Variants in AHNAK observed in about 807,000 individuals in gnomAD.
The protein encoded by AHNAK is neuroblast differentiation-associated protein AHNAK.
In AHNAK, 23 loss-of-function variants were observed where a neutral mutation model predicts 37.8. The ratio of observed to expected loss-of-function variants is 0.61; its 90% confidence interval spans 0.44 to 0.86. The LOEUF (loss-of-function observed/expected upper bound fraction) is 0.86. Among genes scored for constraint, AHNAK ranks in the 40% least tolerant of loss-of-function variants. The pLI is 0.00. For missense variants in AHNAK, 7,411 were observed against 7,319.4 expected, an observed-to-expected ratio of 1.01 and a Z score of -0.46; for synonymous variants, 2,481 against 2,636.3, an observed-to-expected ratio of 0.94 and a Z score of 1.80.
intron 5 of AHNAK, among the ~76,000 whole-genome samples, chr11:62,453,845 G>T (rs529942864): frequency 1.2e-4 from 18 of 152,336 alleles, no homozygotes; most frequent in African/African-American, 3.6e-4. Context: ...CATCTGGCCG[G>T]GCGCGGTGGC....
chr11:62,496,426 T>G (rs147954468), intron 4 of AHNAK, among the ~76,000 whole-genome samples: 1 of 152,276 alleles, frequency 6.6e-6, no homozygotes, highest in Non-Finnish European at 1.5e-5. Flanking sequence ...GAAAATCTTG[T>G]TAGTAACAAA....
At chr11:62,509,960 G>A (rs1939879253) in intron 4 of AHNAK, among the ~76,000 whole-genome samples, 2 of 152,054 alleles carry the variant, frequency 1.3e-5, no homozygotes, top group Non-Finnish European at 1.5e-5. Flanking sequence ...CAGTTACTGG[G>A]GCAACTGGTG....
chr11:62,523,320 A>T lies in AHNAK; in HGVS notation c.11097T>A (p.Asp3699Glu). Residue 3699 changes from aspartate (D) to glutamate (E), a missense_variant, in exon 5 of 5, where the codon GAT becomes GAA. By Grantham distance (45) the Asp-to-Glu change is conservative. Transcript: ENST00000378024. ...VVVSLPKVEG[D>E]LKGPEVDIKG... ...TGATGTCCACCTCAGGGCCTTTTAG[A>T]TCACCTTCCACTTTGGGCAAAGACA... 6.2e-7 allele frequency: 1 copy of T among 1,612,934 alleles called. No individual in the cohort carries two copies. Among genetic ancestry groups the T allele is most frequent in the Non-Finnish European group, 8.5e-7 (1 of 1,179,660 alleles).
rs374279243 is a variant in AHNAK at position 62,522,450 on chromosome 11, G to A, written c.11967C>T (p.Phe3989=). ...GPDAKLKGPK[F]KMPEMNIKAP... ...CTTTGATGTTCATCTCTGGCATCTT[G>A]AATTTAGGGCCCTTCAGTTTCGCAT... Residue 3989 remains phenylalanine (F), a synonymous_variant, in exon 5 of 5, where the codon TTC becomes TTT. Transcript: ENST00000378024. The A allele has an allele frequency of 1.6e-5, 25 of 1,612,838 alleles. No individual in the cohort carries two copies. In the African/African-American group the frequency reaches 2.5e-4, roughly 16 times the overall value.
rs759985627 is a variant in AHNAK, at chr11:62,519,216, C to T, written c.15201G>A (p.Pro5067=). The change falls in exon 5 of 5, where the codon CCG becomes CCA. Residue 5067 remains proline, a synonymous_variant. Transcript: ENST00000378024. ...APDVDVNIAG[P]DAALKVDVKS... ...TCACGTCGACTTTGAGTGCAGCATCCGGCCCTGCGATGTTGACATCTACAT... is the reference window on the plus strand; with the variant it reads ...TCACGTCGACTTTGAGTGCAGCATCTGGCCCTGCGATGTTGACATCTACAT... 25 of 1,613,356 alleles carry T rather than the reference C, an allele frequency of 1.5e-5. No individual in the cohort carries two copies. The highest frequency in any genetic ancestry group is 8.9e-5 in the East Asian group (4 of 44,900).
At chr11:62,444,278 GT>G (rs1176799995) in intron 5 of AHNAK, among the ~76,000 whole-genome samples, 1 of 152,208 alleles carries the variant, frequency 6.6e-6, no homozygotes, top group Non-Finnish European at 1.5e-5. Flanking sequence ...AAAACCCACT[GT>G]CGGAGGAGCT....
At position 62,523,590 on chromosome 11, in the gene AHNAK, CTTGGGCATTTTCACT is replaced by C. The variant is rs1940355291; in HGVS notation, c.10812_10826del (p.Val3605_Lys3609del). The C allele has an allele frequency of 6.2e-7, 1 of 1,614,004 alleles. No individual in the cohort carries two copies. The highest frequency in any genetic ancestry group is 8.5e-7 in the Non-Finnish European group (1 of 1,180,036). ...CTCCTTTGAAGCCAGGCATGCTGAA[CTTGGGCATTTTCACT>C]TTGGGCATCTTCAGATGCCAGTCTG... On this transcript the variant is annotated inframe_deletion, in exon 5 of 5. Coordinates refer to ENST00000378024, the MANE Select transcript of AHNAK (RefSeq NM_001620.3).
At chr11:62,447,612 G>A (rs538566104) in intron 5 of AHNAK, among the ~76,000 whole-genome samples, 1 of 149,482 alleles carries the variant, frequency 6.7e-6, no homozygotes, top group African/African-American at 2.4e-5. Context: ...CAACTTTGCT[G>A]TTACCCACAG....
chr11:62,483,207 G>C (rs1016589808), intron 5 of AHNAK, among the ~76,000 whole-genome samples: 19 of 152,148 alleles, frequency 1.2e-4, no homozygotes, highest in African/African-American at 4.6e-4. Context: ...GGTAGGGTGG[G>C]CTGCAGGCCT....
chr11:62,535,801 C>T, intron 3 of AHNAK, 144 bp downstream of exon 3: 1 of 1,138,490 alleles, frequency 8.8e-7, no homozygotes, highest in Non-Finnish European at 1.2e-6. Flanking sequence ...GAGGGCAGGG[C>T]TTGGGTACCA....
chr11:62,485,718 A>T (rs1404285607), intron 5 of AHNAK, among the ~76,000 whole-genome samples: 1 of 149,310 alleles, frequency 6.7e-6, no homozygotes, highest in African/African-American at 2.5e-5. Flanking sequence ...AAAAAAAAAA[A>T]AAAAGAATAA....
At position 62,439,137 on chromosome 11, in the gene AHNAK, A is replaced by G. The variant is rs1416163927; in HGVS notation, c.443-5246T>C. Among the ~76,000 whole-genome samples the G allele has an allele frequency of 3.2e-5, 4 of 125,938 alleles. No individual in the cohort carries two copies. The Admixed American group carries it at 3.4e-4, about 11-fold the overall frequency. The allele number at this position is 125,938 out of a possible 152,430, so 82.6% of individuals were successfully genotyped here. On this transcript the variant is annotated intron_variant, in intron 5 of 5. Transcript: ENST00000257247. ...GAGATGGAGTCTCGCTCTGTCACCC[A>G]GGCTGGAGTGCAATGGCGTGATCTC...
chr11:62,485,040 C>T (rs1195051235), intron 5 of AHNAK, among the ~76,000 whole-genome samples: 25 of 152,110 alleles, frequency 1.6e-4, no homozygotes, highest in African/African-American at 5.1e-4. Flanking sequence ...CTGCCTGCCT[C>T]GGCCTCCCAA....
intron 5 of AHNAK, among the ~76,000 whole-genome samples, chr11:62,460,644 CAG>C (rs1938762655): frequency 6.6e-6 from 1 of 152,054 alleles, no homozygotes; most frequent in South Asian, 2.1e-4. Flanking sequence ...CAGATTGTGA[CAG>C]AAGAGAAGGA....
chr11:62,523,051 T>C lies in AHNAK; in HGVS notation c.11366A>G (p.Asn3789Ser). Residue 3789 changes from asparagine (N) to serine (S), a missense_variant, in exon 5 of 5, where the codon AAT (asparagine) becomes AGT (serine). By Grantham distance (46) the Asn-to-Ser change is conservative. Coordinates refer to ENST00000378024, the MANE Select transcript of AHNAK (RefSeq NM_001620.3). ...GCCTTGAACATCAACATCTGGAGCA[T>C]TAATGTCCACTTTGGGGCCCTTGAT... ...VDIKGPKVDI[N>S]APDVDVQGPD... The C allele has an allele frequency of 1.2e-6, 2 of 1,614,092 alleles. No individual in the cohort carries two copies. The highest frequency in any genetic ancestry group is 8.5e-7 in the Non-Finnish European group (1 of 1,180,006).
intron 5 of AHNAK, among the ~76,000 whole-genome samples, chr11:62,438,429 C>T (rs1938227552): frequency 6.6e-6 from 1 of 152,134 alleles, no homozygotes; most frequent in African/African-American, 2.4e-5. Flanking sequence ...ATCCACCTGC[C>T]TCGGCCTCCC....
rs200555988 is a variant in AHNAK at position 62,529,315 on chromosome 11, A to G, written c.5102T>C (p.Val1701Ala). ...GPKVDIDAPD[V>A]EVHDPDWHLK... Reference sequence around the variant, plus strand: ...GTGCCAATCTGGGTCGTGAACCTCCACATCTGGGGCATCAATGTCCACTTT... The same window carrying G: ...GTGCCAATCTGGGTCGTGAACCTCCGCATCTGGGGCATCAATGTCCACTTT... Residue 1701 changes from valine to alanine, a missense_variant, in exon 5 of 5, where the codon GTG (valine) becomes GCG (alanine). Coordinates refer to ENST00000378024, the MANE Select transcript of AHNAK (RefSeq NM_001620.3). 3.1e-6 allele frequency: 5 copies of G among 1,614,096 alleles called. No individual in the cohort carries two copies. Among genetic ancestry groups the G allele is most frequent in the South Asian group, 1.1e-5 (1 of 91,066 alleles).
chr11:62,507,939 G>A (rs1350057514), intron 4 of AHNAK, among the ~76,000 whole-genome samples: 1 of 152,152 alleles, frequency 6.6e-6, no homozygotes, highest in Non-Finnish European at 1.5e-5. Context: ...ACATAATAAT[G>A]GGGGTTTTTT....
intron 2 of AHNAK, 116 bp from the exon 3 acceptor site, chr11:62,536,214 G>T: frequency 8.8e-7 from 1 of 1,135,594 alleles, no homozygotes; most frequent in Non-Finnish European, 1.2e-6. Context: ...CCTCAGCAAT[G>T]CACCTGCCCC....
Sources: gnomAD v4.1 joint callset for allele counts (sites outside exome capture counted in the v4.1 genomes callset) on GRCh38, gnomAD v4.1.1 for gene constraint, MANE v1.5 for transcripts, NCBI Gene and HGNC (gene_info 2026-07-23, HGNC 2026-07-21) for gene names.